Variants in TMPRSS7 observed in about 807,000 individuals in gnomAD.
The protein encoded by TMPRSS7 is transmembrane protease serine 7.
A neutral mutation model predicts 95.6 loss-of-function variants in TMPRSS7; 81 were observed. The ratio of observed to expected loss-of-function variants is 0.85; its 90% CI spans 0.71 to 1.02. The LOEUF (loss-of-function observed/expected upper bound fraction) is 1.02, where lower values mean the gene tolerates loss of function less well. Ranked by LOEUF, TMPRSS7 falls within the 50% of genes least tolerant of loss-of-function variation. The pLI is 0.00. For missense variants in TMPRSS7, 945 were observed against 955.2 expected, an observed-to-expected ratio of 0.99 and a Z score of 0.14; for synonymous variants, 364 against 337.8, an observed-to-expected ratio of 1.08 and a Z score of -0.85.
chr3:112,079,101 C>T (rs2073748627), intron 17 of TMPRSS7, among the ~76,000 whole-genome samples: 1 of 152,180 alleles, frequency 6.6e-6, no homozygotes, highest in Non-Finnish European at 1.5e-5. Context: ...CATGTATTTT[C>T]CTTCAATATT....
intron 3 of TMPRSS7, chr3:112,042,853 A>G (rs1235373541): frequency 5.8e-6 from 2 of 345,042 alleles, no homozygotes; most frequent in Non-Finnish European, 1.2e-5. Context: ...GGACAAATAG[A>G]AAAGTATCTA....
chr3:112,077,322 C>T (rs2073724093), intron 16 of TMPRSS7, among the ~76,000 whole-genome samples, 178 bp downstream of exon 16: 1 of 152,058 alleles, frequency 6.6e-6, no homozygotes. Flanking sequence ...ATGCTATCCA[C>T]CTGCTTTAAA....
intron 15 of TMPRSS7, 77 bp from the exon 16 acceptor site, chr3:112,076,799 C>G (rs956411206): frequency 1.3e-6 from 2 of 1,529,950 alleles, no homozygotes; most frequent in Non-Finnish European, 8.9e-7. Flanking sequence ...CAGCCCTCAA[C>G]TCTTTAGAGT....
At chr3:112,040,025 G>A (rs929758612) in intron 2 of TMPRSS7, among the ~76,000 whole-genome samples, 1 of 152,138 alleles carries the variant, frequency 6.6e-6, no homozygotes, top group African/African-American at 2.4e-5. Flanking sequence ...AGAGTTGCTT[G>A]GTGTGCGGAA....
intron 1 of TMPRSS7, among the ~76,000 whole-genome samples, chr3:112,036,903 G>T (rs1381768177): frequency 6.6e-6 from 1 of 152,136 alleles, no homozygotes; most frequent in Admixed American, 6.5e-5. Context: ...AACATAAATT[G>T]TGAAGAGTTC....
intron 17 of TMPRSS7, among the ~76,000 whole-genome samples, chr3:112,079,819 T>C (rs2073756052): frequency 6.6e-6 from 1 of 152,182 alleles, no homozygotes; most frequent in African/African-American, 2.4e-5. Context: ...TCTTTTTTCC[T>C]CATTTTATAG....
chr3:112,074,338 T>C (rs1326434415), exon 14 of TMPRSS7: 1 of 1,614,132 alleles, frequency 6.2e-7, no homozygotes, highest in East Asian at 2.2e-5. Context: ...GGCAATGATA[T>C]TTGCTTTAGG....
chr3:112,038,169 G>A (rs748376965), exon 2 of TMPRSS7: 29 of 702,808 alleles, frequency 4.1e-5, no homozygotes, highest in African/African-American at 3.3e-4. Context: ...CCAGGAAGAC[G>A]ACCACCACAA....
At chr3:112,036,871 C>A (rs547793462) in intron 1 of TMPRSS7, among the ~76,000 whole-genome samples, 3 of 152,146 alleles carry the variant, frequency 2.0e-5, no homozygotes, top group African/African-American at 7.2e-5. Context: ...ATTTCTTACG[C>A]CTGTCTTTAC....
At chr3:112,068,416 G>C (rs189456982) in intron 13 of TMPRSS7, among the ~76,000 whole-genome samples, 382 of 152,336 alleles carry the variant, frequency 2.5e-3, no homozygotes, top group Non-Finnish European at 4.2e-3. Flanking sequence ...AGCTTCGGCA[G>C]TATGGCCATT....
chr3:112,068,185 T>A (rs2073599310), intron 13 of TMPRSS7, among the ~76,000 whole-genome samples: 1 of 152,212 alleles, frequency 6.6e-6, no homozygotes, highest in Non-Finnish European at 1.5e-5. Context: ...TTGCTCTATA[T>A]ATCTGTTTTG....
chr3:112,057,843 A>G (rs2073450460), intron 10 of TMPRSS7, among the ~76,000 whole-genome samples: 1 of 152,100 alleles, frequency 6.6e-6, no homozygotes, highest in Non-Finnish European at 1.5e-5. Context: ...CTCCTGCCTC[A>G]GCCTCCCAAG....
At chr3:112,058,268 T>C (rs142742308) in intron 10 of TMPRSS7, among the ~76,000 whole-genome samples, 24 of 152,336 alleles carry the variant, frequency 1.6e-4, no homozygotes, top group African/African-American at 5.8e-4. Flanking sequence ...TTATCAAATT[T>C]AAGGACATTC....
intron 13 of TMPRSS7, among the ~76,000 whole-genome samples, chr3:112,071,012 C>T (rs923796009): frequency 5.3e-5 from 8 of 152,090 alleles, no homozygotes; most frequent in African/African-American, 1.2e-4. Flanking sequence ...TCATTTTGCC[C>T]GTTAGTTGAT....
intron 13 of TMPRSS7, among the ~76,000 whole-genome samples, chr3:112,068,487 A>G (rs1258463815): frequency 6.6e-6 from 1 of 152,014 alleles, no homozygotes; most frequent in Admixed American, 6.6e-5. Context: ...GTTTGTGTCC[A>G]CTTTCATTTT....
chr3:112,067,915 T>C (rs1281133235), intron 13 of TMPRSS7, among the ~76,000 whole-genome samples: 1 of 152,234 alleles, frequency 6.6e-6, no homozygotes, highest in Non-Finnish European at 1.5e-5. Flanking sequence ...CATGCCTATG[T>C]CCTGAATGGT....
At chr3:112,077,633 T>C (rs2073728421) in intron 16 of TMPRSS7, among the ~76,000 whole-genome samples, 1 of 152,148 alleles carries the variant, frequency 6.6e-6, no homozygotes, top group African/African-American at 2.4e-5. Context: ...CTGCCCTTAG[T>C]TTCCAGACCA....
At chr3:112,039,222 T>G (rs2073181546) in intron 2 of TMPRSS7, among the ~76,000 whole-genome samples, 1 of 152,232 alleles carries the variant, frequency 6.6e-6, no homozygotes, top group African/African-American at 2.4e-5. Context: ...CATCTATACA[T>G]GTTAATGTAT....
rs557564846 is a variant in TMPRSS7 at position 112,042,513 on chromosome 3, A to G, written c.429+463A>G. Among the ~76,000 whole-genome samples the G allele has an allele frequency of 6.6e-5, 10 of 152,350 alleles. No individual in the cohort carries two copies. The South Asian group carries it at 1.2e-3, about 19-fold the overall frequency. On this transcript the variant is annotated intron_variant, in intron 3 of 17. Transcript: ENST00000452346. ...AAATTCAGATGATTATGTTTTAAAA[A>G]CTAACATCTTCTTTAATGTCATCAC...
Sources: gnomAD v4.1 joint callset for allele counts (sites outside exome capture counted in the v4.1 genomes callset) on GRCh38, gnomAD v4.1.1 for gene constraint, MANE v1.5 for transcripts, NCBI Gene and HGNC (gene_info 2026-07-23, HGNC 2026-07-21) for gene names.